Variants in MAGI1 observed in about 807,000 individuals in gnomAD.
MAGI1 encodes membrane-associated guanylate kinase, WW and PDZ domain-containing protein 1.
In MAGI1, 58 loss-of-function variants were observed where a neutral mutation model predicts 139.9. That is an observed-to-expected ratio of 0.41 (90% CI 0.34 to 0.52). The LOEUF is 0.52. Ranked by LOEUF, MAGI1 falls within the 20% of genes least tolerant of loss-of-function variation. The pLI is 0.12. For missense variants in MAGI1, 1,874 were observed against 1,901.6 expected (o/e 0.99, Z 0.27); for synonymous variants, 812 against 737.9 (o/e 1.10, Z -1.63).
Position 65,776,213 on chromosome 3 carries a change from C to T in MAGI1, c.314-154125G>A, listed in dbSNP as rs1409945074. Among the ~76,000 whole-genome samples the T allele has an allele frequency of 5.4e-5, 8 of 148,078 alleles. No homozygotes were observed. The Admixed American group carries it at 5.5e-4, about 10-fold the overall frequency. On this transcript the variant is annotated intron_variant, in intron 1 of 22. Transcript: ENST00000402939. ...TCAATGTAGCATTCTTTACTACTTG[C>T]TATATGAAACACTACTGGCATATAG...
chr3:65,812,489 C>T (rs1164404292), intron 1 of MAGI1, among the ~76,000 whole-genome samples: 1 of 150,934 alleles, frequency 6.6e-6, no homozygotes, highest in Non-Finnish European at 1.5e-5. Flanking sequence ...CACACACACA[C>T]ACTTCTCTAT....
At chr3:65,937,415 A>G (rs943105941) in intron 1 of MAGI1, among the ~76,000 whole-genome samples, 2 of 152,130 alleles carry the variant, frequency 1.3e-5, no homozygotes, top group Non-Finnish European at 2.9e-5. Context: ...CTGGCTCACC[A>G]GGAAATTGTT....
At chr3:65,624,176 G>A (rs1221838208) in intron 1 of MAGI1, among the ~76,000 whole-genome samples, 1 of 152,162 alleles carries the variant, frequency 6.6e-6, no homozygotes. Context: ...CTGTTTAGCA[G>A]GCATAATGGT....
At chr3:65,765,310 T>C (rs1406280534) in intron 1 of MAGI1, among the ~76,000 whole-genome samples, 1 of 152,202 alleles carries the variant, frequency 6.6e-6, no homozygotes, top group African/African-American at 2.4e-5. Context: ...CATGATCCCA[T>C]AACAGGATTG....
chr3:65,519,265 A>G (rs1371149297), intron 2 of MAGI1, among the ~76,000 whole-genome samples: 1 of 152,042 alleles, frequency 6.6e-6, no homozygotes, highest in Non-Finnish European at 1.5e-5. Context: ...AGGCCACCAT[A>G]AGGACTTTGT....
chr3:65,384,377 A>G (rs753422428), intron 14 of MAGI1, among the ~76,000 whole-genome samples: 1 of 152,184 alleles, frequency 6.6e-6, no homozygotes, highest in African/African-American at 2.4e-5. Context: ...CCTAAGTAAT[A>G]CAGTATCACA....
intron 1 of MAGI1, among the ~76,000 whole-genome samples, chr3:65,699,281 A>G (rs1463253707): frequency 7.8e-6 from 1 of 128,406 alleles, no homozygotes; most frequent in African/African-American, 3.3e-5. Context: ...TGTTGGTGGG[A>G]CTGTAAACTA....
intron 2 of MAGI1, among the ~76,000 whole-genome samples, chr3:65,542,405 A>G (rs555312806): frequency 6.6e-5 from 10 of 152,344 alleles, no homozygotes; most frequent in Middle Eastern, 3.4e-3. Flanking sequence ...TCTTCACAGA[A>G]TTAGAAAAAA....
At chr3:65,441,331 C>CT (rs1445179846) in intron 8 of MAGI1, among the ~76,000 whole-genome samples, 1 of 151,996 alleles carries the variant, frequency 6.6e-6, no homozygotes, top group African/African-American at 2.4e-5. Context: ...ATTTAGAACT[C>CT]TAAGTTTTTT....
intron 2 of MAGI1, among the ~76,000 whole-genome samples, chr3:65,617,459 C>G (rs186875616): frequency 7.2e-5 from 11 of 152,198 alleles, no homozygotes; most frequent in African/African-American, 2.4e-4. Flanking sequence ...CATTCCAAAG[C>G]AAGAATCTCA....
chr3:65,861,833 C>T (rs35315959), intron 1 of MAGI1, among the ~76,000 whole-genome samples: 2,914 of 152,268 alleles, frequency 0.019, 42 homozygotes, highest in Non-Finnish European at 0.029. Context: ...GAAAAACCAA[C>T]ACAGAGCAGC....
chr3:65,985,256 G>A (rs888219216), intron 1 of MAGI1, among the ~76,000 whole-genome samples: 1 of 152,228 alleles, frequency 6.6e-6, no homozygotes, highest in African/African-American at 2.4e-5. Context: ...ATGAATGGGA[G>A]GTGGCAGGTC....
chr3:65,556,748 TA>T (rs2080102646), intron 2 of MAGI1, among the ~76,000 whole-genome samples: 1 of 152,180 alleles, frequency 6.6e-6, no homozygotes, highest in African/African-American at 2.4e-5. Context: ...TTTTAAAAAG[TA>T]AAAACCAACA....
At chr3:65,578,119 T>C (rs2081256817) in intron 2 of MAGI1, among the ~76,000 whole-genome samples, 1 of 152,186 alleles carries the variant, frequency 6.6e-6, no homozygotes, top group Non-Finnish European at 1.5e-5. Flanking sequence ...AAATCACTAG[T>C]GATTTCCTCC....
At chr3:65,630,449 G>A (rs1447766390) in intron 1 of MAGI1, among the ~76,000 whole-genome samples, 1 of 152,184 alleles carries the variant, frequency 6.6e-6, no homozygotes, top group African/African-American at 2.4e-5. Context: ...AGCTCAGACA[G>A]AGGGTGGCTC....
chr3:65,540,437 G>A (rs2079156448), intron 2 of MAGI1, among the ~76,000 whole-genome samples: 3 of 151,984 alleles, frequency 2.0e-5, no homozygotes, highest in South Asian at 2.1e-4. Flanking sequence ...TATTCCCAGT[G>A]CCTAAAAAAG....
At chr3:65,872,999 C>T (rs1267293031) in intron 1 of MAGI1, 3 of 152,096 alleles carry the variant, frequency 2.0e-5, no homozygotes, top group Non-Finnish European at 4.4e-5. Context: ...ACAGTAATAC[C>T]TCAATTAAAA....
At chr3:66,017,715 C>G (rs962154077) in intron 1 of MAGI1, among the ~76,000 whole-genome samples, 1 of 152,148 alleles carries the variant, frequency 6.6e-6, no homozygotes, top group African/African-American at 2.4e-5. Flanking sequence ...TAGAGAGGCA[C>G]TAAATCAAGC....
intron 6 of MAGI1, among the ~76,000 whole-genome samples, chr3:65,450,692 A>G (rs1037511713): frequency 6.6e-6 from 1 of 152,190 alleles, no homozygotes; most frequent in East Asian, 1.9e-4. Flanking sequence ...TGGACACAGC[A>G]GTGACAGAAG....
Sources: allele counts gnomAD v4.1 joint callset (sites outside exome capture counted in the v4.1 genomes callset), GRCh38; gene constraint gnomAD v4.1.1; transcripts MANE v1.5; gene names NCBI Gene and HGNC (gene_info 2026-07-23, HGNC 2026-07-21).